The following TRPM5 variants were observed in gnomAD, a reference collection of about 807,000 sequenced individuals.
TRPM5 encodes the protein transient receptor potential cation channel subfamily M member 5, also known as MLSN1 and TRP-related.
Under a neutral mutation model 124.9 loss-of-function variants are expected in TRPM5, and 121 were observed. The observed-to-expected ratio is 0.97, with a 90% CI of 0.84 to 1.13. The LOEUF (loss-of-function observed/expected upper bound fraction) is 1.13, where lower values mean the gene tolerates loss of function less well. Among genes scored for constraint, TRPM5 ranks in the 50% most tolerant of loss-of-function variants. The pLI is 0.00. For synonymous variants in TRPM5, 781 were observed against 700.5 expected (o/e 1.11, Z -1.81); for missense variants, 1,643 against 1,589.1 (o/e 1.03, Z -0.58).
the TRPM5 span, among the ~76,000 whole-genome samples, chr11:2,443,832 C>CG: frequency 3.7e-4 from 56 of 149,356 alleles, no homozygotes; most frequent in African/African-American, 7.4e-4. This position sits in a 1 kb window ranked among gnomAD's most constrained non-coding sequence, Gnocchi z 5.0. Flanking sequence ...CACCCCCCCC[C>CG]CAAGCCTGAG....
chr11:2,412,389 G>C, intron 15 of TRPM5, 136 bp from the exon 21 acceptor site: 1 of 719,660 alleles, frequency 1.4e-6, no homozygotes, highest in South Asian at 1.7e-5. Context: ...TGGGACTAGG[G>C]GTCCACTGAA....
exon 9 of TRPM5, chr11:2,415,121 C>G: frequency 6.4e-7 from 1 of 1,566,412 alleles, no homozygotes; most frequent in Non-Finnish European, 8.6e-7. Context: ...CCCCGCTCAC[C>G]GCCCTCCTGC....
chr11:2,408,500 C>T (rs752245058), intron 18 of TRPM5, among the ~76,000 whole-genome samples: 18 of 152,314 alleles, frequency 1.2e-4, no homozygotes, highest in Admixed American at 6.5e-4. Flanking sequence ...CTGAGGGCAC[C>T]GATCCCGCAC....
At chr11:2,422,047 G>A in intron 2 of TRPM5, 94 bp downstream of exon 7, 3 of 1,396,202 alleles carry the variant, frequency 2.1e-6, no homozygotes, top group South Asian at 1.4e-5. Context: ...GCCCTGTGGG[G>A]TGGGAGCACT....
chr11:2,443,892 C>A, the TRPM5 span, among the ~76,000 whole-genome samples: 1 of 151,334 alleles, frequency 6.6e-6, no homozygotes, highest in African/African-American at 2.4e-5. This position sits in a 1 kb window ranked among gnomAD's most constrained non-coding sequence, Gnocchi z 5.0. Context: ...GTGCAGAGAC[C>A]TGTGAAAATC....
rs1043576512 is a variant in TRPM5, at chr11:2,411,836, G to C, written c.2475-69C>G. 8.8e-6 allele frequency: 14 copies of C among 1,588,154 alleles called. No homozygotes were observed. In the African/African-American group the frequency reaches 1.6e-4, roughly 18 times the overall value. ...GCAGAGGCTTCCCCAGGGGCACACAGCATGCTGGCTGCGGGCAGGGCCAGG... is the reference window on the plus strand; with the variant it reads ...GCAGAGGCTTCCCCAGGGGCACACACCATGCTGGCTGCGGGCAGGGCCAGG... On this transcript the variant is annotated intron_variant, in intron 16 of 23. Transcript: ENST00000155858.
chr11:2,407,828 A>G (rs779136271), exon 19 of TRPM5: 2 of 1,613,934 alleles, frequency 1.2e-6, no homozygotes, highest in South Asian at 2.2e-5. Context: ...CAGCAGGAGG[A>G]TGACCAGCCA....
chr11:2,440,284 C>A, the TRPM5 span, among the ~76,000 whole-genome samples: 1 of 152,152 alleles, frequency 6.6e-6, no homozygotes, highest in Non-Finnish European at 1.5e-5. This position sits in a 1 kb window ranked among gnomAD's most constrained non-coding sequence, Gnocchi z 5.2. Flanking sequence ...ACGCAATATA[C>A]CTATGTAACA....
At chr11:2,429,414 G>A in the TRPM5 span, among the ~76,000 whole-genome samples, 40 of 151,614 alleles carry the variant, frequency 2.6e-4, 1 homozygote, top group African/African-American at 7.8e-4. The surrounding 1 kb of genome is among the most constrained non-coding windows in gnomAD (Gnocchi z 8.4). Context: ...TTATTGTGGC[G>A]GTGATGATGA....
chr11:2,433,006 C>T, the TRPM5 span, among the ~76,000 whole-genome samples: 1 of 152,232 alleles, frequency 6.6e-6, no homozygotes, highest in Non-Finnish European at 1.5e-5. Flanking sequence ...ACCAGGAGTC[C>T]GGGAACCAGT....
chr11:2,412,906 A>T (rs1565009424), exon 15 of TRPM5: 2 of 1,598,234 alleles, frequency 1.3e-6, no homozygotes, highest in Non-Finnish European at 1.7e-6. Context: ...TTCCCCAGGA[A>T]CACAGTCACG....
intron 4 of TRPM5, among the ~76,000 whole-genome samples, 167 bp downstream of exon 9, chr11:2,420,055 G>A (rs906417932): frequency 1.2e-4 from 5 of 42,366 alleles, no homozygotes; most frequent in Non-Finnish European, 2.1e-4. Context: ...AGGCCCCCAC[G>A]GCCCAGGCCC....
the TRPM5 span, among the ~76,000 whole-genome samples, chr11:2,429,000 G>A: frequency 6.6e-6 from 1 of 151,744 alleles, no homozygotes; most frequent in Non-Finnish European, 1.5e-5. The surrounding 1 kb of genome is among the most constrained non-coding windows in gnomAD (Gnocchi z 4.0). Flanking sequence ...CAGTGGAGGG[G>A]ATGGTGGTGG....
the TRPM5 span, among the ~76,000 whole-genome samples, chr11:2,438,120 G>GA: frequency 3.3e-5 from 5 of 152,190 alleles, no homozygotes; most frequent in East Asian, 1.9e-4. The surrounding 1 kb of genome is among the most constrained non-coding windows in gnomAD (Gnocchi z 5.9). Flanking sequence ...AAAAGTCTTT[G>GA]AAAAAATCCA....
Position 2,416,796 on chromosome 11 carries a change from C to T in TRPM5, c.1010-772G>A, listed in dbSNP as rs992998315. On this transcript the variant is annotated intron_variant, in intron 7 of 23. Coordinates refer to ENST00000155858, the Ensembl canonical transcript of TRPM5. The stretch of plus-strand genomic sequence containing the variant: ...TGCCAGCGTCCAGCCCTTCAGCACG[C>T]GTTCGTCTCCAGCAAAAAGCACATC... Among the ~76,000 whole-genome samples the T allele has an allele frequency of 3.3e-5, 5 of 152,338 alleles. No individual in the cohort carries two copies. In the South Asian group the frequency reaches 6.2e-4, roughly 19 times the overall value.
intron 18 of TRPM5, among the ~76,000 whole-genome samples, chr11:2,409,224 T>C (rs1415201013): frequency 6.6e-6 from 1 of 151,994 alleles, no homozygotes; most frequent in African/African-American, 2.4e-5. Context: ...GGCCTGCCCC[T>C]CCTCTGTCCG....
intron 16 of TRPM5, 22 bp downstream of exon 21, chr11:2,412,107 GGCCACA>G (rs755262948): frequency 4.4e-6 from 7 of 1,590,392 alleles, no homozygotes; most frequent in Non-Finnish European, 6.0e-6. Context: ...GCCGCCCTGA[GGCCACA>G]CGGCCTCTGG....
the TRPM5 span, among the ~76,000 whole-genome samples, chr11:2,438,470 GC>G: frequency 3.3e-5 from 5 of 152,144 alleles, no homozygotes; most frequent in Non-Finnish European, 7.4e-5. This position sits in a 1 kb window ranked among gnomAD's most constrained non-coding sequence, Gnocchi z 5.9. Context: ...TTCGAGACCA[GC>G]CTGGCCAATA....
chr11:2,423,343 C>T (rs74417643), upstream of TRPM5, among the ~76,000 whole-genome samples: 113 of 152,328 alleles, frequency 7.4e-4, 1 homozygote, highest in East Asian at 0.018. Flanking sequence ...CTCTACTCAC[C>T]CCACTCAGGG....
Sources: allele counts gnomAD v4.1 joint callset (sites outside exome capture counted in the v4.1 genomes callset), GRCh38; gene constraint gnomAD v4.1.1; non-coding constraint Gnocchi (gnomAD v3.1); transcripts MANE v1.5; gene names NCBI Gene and HGNC (gene_info 2026-07-23, HGNC 2026-07-21).